GCNT2: variants seen among roughly 807,000 people sequenced by gnomAD.
The protein encoded by GCNT2 is glucosaminyl (N-acetyl) transferase 2 (I blood group).
GCNT2 carries 34 observed loss-of-function variants against 34.2 expected under a neutral mutation model. That is an observed-to-expected ratio of 1.00 (90% CI 0.76 to 1.32). GCNT2 has a LOEUF of 1.32. Ranked by LOEUF, GCNT2 falls within the 40% of genes most tolerant of loss-of-function variation. The pLI, the probability that GCNT2 is intolerant of heterozygous loss-of-function variation, is 0.00. For synonymous variants in GCNT2, 212 were observed against 188.0 expected (o/e 1.13, Z -1.04); for missense variants, 584 against 489.4 (o/e 1.19, Z -1.82).
chr6:10,616,971 A>T (rs1285735331), intron 3 of GCNT2, among the ~76,000 whole-genome samples: 1 of 151,698 alleles, frequency 6.6e-6, no homozygotes, highest in Non-Finnish European at 1.5e-5. Context: ...CGTCCCCACC[A>T]GACTCAGGAG....
chr6:10,538,756 CATAATA>C (rs927005935), intron 3 of GCNT2, among the ~76,000 whole-genome samples: 3 of 151,972 alleles, frequency 2.0e-5, no homozygotes, highest in African/African-American at 7.3e-5. Flanking sequence ...AAATGGCTTA[CATAATA>C]ATGATAATGT....
At chr6:10,577,391 G>C (rs1317780431) in intron 3 of GCNT2, among the ~76,000 whole-genome samples, 1 of 152,168 alleles carries the variant, frequency 6.6e-6, no homozygotes, top group Non-Finnish European at 1.5e-5. Context: ...AGTGGGATCT[G>C]TCACCCTGGG....
intron 3 of GCNT2, among the ~76,000 whole-genome samples, chr6:10,551,258 G>A (rs1358644446): frequency 6.6e-6 from 1 of 151,956 alleles, no homozygotes; most frequent in African/African-American, 2.4e-5. Context: ...CAGCATCCAG[G>A]AAGTGTTTCC....
chr6:10,556,413 T>C (rs1470495533), intron 3 of GCNT2: 1 of 1,613,756 alleles, frequency 6.2e-7, no homozygotes, highest in East Asian at 2.2e-5. Context: ...CATTTCACCC[T>C]TCTTTGAGGC....
intron 3 of GCNT2, among the ~76,000 whole-genome samples, chr6:10,617,750 C>CTTTTTTTTTTTTTTTTTT (rs3064178): frequency 2.3e-4 from 23 of 101,692 alleles, no homozygotes; most frequent in African/African-American, 9.5e-4. Context: ...TGCATTTCTT[C>CTTTTTTTTTTTTTTTTTT]TTTTTTTTTT....
At chr6:10,538,608 A>G (rs1256936164) in intron 3 of GCNT2, among the ~76,000 whole-genome samples, 1 of 151,694 alleles carries the variant, frequency 6.6e-6, no homozygotes, top group African/African-American at 2.4e-5. Flanking sequence ...GTGACACAGC[A>G]CAACTGAGGA....
At chr6:10,550,288 G>C (rs1358913350) in intron 3 of GCNT2, among the ~76,000 whole-genome samples, 1 of 151,870 alleles carries the variant, frequency 6.6e-6, no homozygotes, top group Non-Finnish European at 1.5e-5. Flanking sequence ...TCCTTGCCTT[G>C]GCCTCCCAAA....
chr6:10,584,627 C>T (rs1764262571), intron 3 of GCNT2, among the ~76,000 whole-genome samples: 1 of 152,204 alleles, frequency 6.6e-6, no homozygotes, highest in African/African-American at 2.4e-5. Context: ...TTCCTGCGGC[C>T]TTCCGCAGTG....
In GCNT2 at chr6:10,529,060, A is replaced by G; in HGVS notation, c.149A>G (p.His50Arg). Reference sequence around the variant, plus strand: ...GCTTCACTGTTAGCAGAAGCCTGTCATCAGATTTTTGAGGGGAAAGTTTTT... The same window carrying G: ...GCTTCACTGTTAGCAGAAGCCTGTCGTCAGATTTTTGAGGGGAAAGTTTTT... ...SNASLLAEACHQIFEGKVFYP... is the reference protein window; with the variant it reads ...SNASLLAEACRQIFEGKVFYP... The change falls in exon 3 of 5, where the codon CAT (histidine) becomes CGT (arginine). Residue 50 changes from histidine to arginine, a missense_variant. Coordinates refer to ENST00000495262, the MANE Select transcript of GCNT2 (RefSeq NM_145649.5). 2.5e-6 allele frequency: 4 copies of G among 1,614,172 alleles called. No homozygotes were observed. Among genetic ancestry groups the G allele is most frequent in the Non-Finnish European group, 2.5e-6 (3 of 1,180,016 alleles).
chr6:10,528,533 C>CT (rs1761309853), intron 2 of GCNT2, 98 bp from the exon 3 acceptor site: 3 of 325,902 alleles, frequency 9.2e-6, no homozygotes, highest in African/African-American at 6.4e-5. Flanking sequence ...GAGCCGATGA[C>CT]TTGCAGAATG....
chr6:10,553,320 C>CAG (rs1221935931), intron 3 of GCNT2, among the ~76,000 whole-genome samples: 3 of 152,146 alleles, frequency 2.0e-5, no homozygotes, highest in Non-Finnish European at 4.4e-5. Context: ...TTTAGTGCCT[C>CAG]ATGCAAGGTC....
chr6:10,543,413 A>G (rs1762123395), intron 3 of GCNT2, among the ~76,000 whole-genome samples: 1 of 151,570 alleles, frequency 6.6e-6, no homozygotes, highest in Non-Finnish European at 1.5e-5. Flanking sequence ...TTGGTCTCAA[A>G]CTCCTTACCT....
intron 3 of GCNT2, among the ~76,000 whole-genome samples, chr6:10,601,081 C>T (rs181137579): frequency 3.9e-4 from 60 of 152,222 alleles, no homozygotes; most frequent in African/African-American, 3.6e-4. Context: ...CATGAACCAC[C>T]GCTCCCAGCC....
At chr6:10,602,476 A>C (rs969287452) in intron 3 of GCNT2, among the ~76,000 whole-genome samples, 1 of 152,236 alleles carries the variant, frequency 6.6e-6, no homozygotes, top group African/African-American at 2.4e-5. Context: ...TTGTAGAATA[A>C]GACTGTAAAC....
chr6:10,623,281 C>T lies in GCNT2; in HGVS notation c.1018+1838C>T, dbSNP rs185048702. Among the ~76,000 whole-genome samples, 26 of 151,116 alleles carry T rather than the reference C, an allele frequency of 1.7e-4. 1 individual carries two copies. The South Asian group carries it at 5.0e-3, about 29-fold the overall frequency. On this transcript the variant is annotated intron_variant, in intron 4 of 4. Transcript: ENST00000495262. The stretch of plus-strand genomic sequence containing the variant: ...TTCTCCAGGGGACAGTGCATGCCAC[C>T]TGCCTACATTATTTTTTTTTTTTTT...
At chr6:10,533,328 AT>A (rs1222188519) in intron 3 of GCNT2, among the ~76,000 whole-genome samples, 1 of 152,082 alleles carries the variant, frequency 6.6e-6, no homozygotes, top group African/African-American at 2.4e-5. Context: ...TTAAAAAAAA[AT>A]TAGTCCAGAA....
intron 3 of GCNT2, among the ~76,000 whole-genome samples, chr6:10,570,735 CTT>C (rs1322848635): frequency 1.3e-5 from 2 of 152,202 alleles, no homozygotes; most frequent in African/African-American, 4.8e-5. Flanking sequence ...CAAATCCCCT[CTT>C]GTGTCCTATG....
At chr6:10,566,047 A>G (rs1394168592) in intron 3 of GCNT2, among the ~76,000 whole-genome samples, 1 of 152,038 alleles carries the variant, frequency 6.6e-6, no homozygotes, top group Non-Finnish European at 1.5e-5. Context: ...TGACTTCTCT[A>G]GCTGCGCCCT....
intron 3 of GCNT2, among the ~76,000 whole-genome samples, chr6:10,612,876 A>G (rs915501424): frequency 6.6e-6 from 1 of 152,180 alleles, no homozygotes; most frequent in African/African-American, 2.4e-5. Flanking sequence ...TCCGTAGCTT[A>G]TTTTGAAGAT....
Sources: gnomAD v4.1 joint callset for allele counts (sites outside exome capture counted in the v4.1 genomes callset) on GRCh38, gnomAD v4.1.1 for gene constraint, MANE v1.5 for transcripts, NCBI Gene and HGNC (gene_info 2026-07-23, HGNC 2026-07-21) for gene names.